Variants in CDH13 observed in about 807,000 individuals in gnomAD.
The protein encoded by CDH13 is cadherin-13.
A neutral mutation model predicts 63.8 loss-of-function variants in CDH13; 24 were observed. That is an observed-to-expected ratio of 0.38 (90% confidence interval 0.27 to 0.53). CDH13 has a LOEUF of 0.53. CDH13 is among the 20% of genes least tolerant of loss of function. The probability of loss-of-function intolerance (pLI) is 0.85; values close to 1 mark genes in which losing one functional copy is unlikely to be tolerated. For synonymous variants in CDH13, 503 were observed against 355.3 expected, an observed-to-expected ratio of 1.42 and a Z score of -4.67; for missense variants, 1,049 against 903.1, an observed-to-expected ratio of 1.16 and a Z score of -2.07.
chr16:83,686,897 A>G (rs1363497002), intron 10 of CDH13, among the ~76,000 whole-genome samples: 1 of 152,168 alleles, frequency 6.6e-6, no homozygotes, highest in Non-Finnish European at 1.5e-5. Flanking sequence ...CTGCATGCAC[A>G]CATTTTTCTG....
At chr16:83,488,630 T>C (rs1567707144) in intron 7 of CDH13, among the ~76,000 whole-genome samples, 1 of 152,048 alleles carries the variant, frequency 6.6e-6, no homozygotes, top group South Asian at 2.1e-4. Flanking sequence ...TTATTTTTTT[T>C]ATTTTATTTT....
At chr16:83,596,506 C>A (rs1343066184) in intron 7 of CDH13, among the ~76,000 whole-genome samples, 1 of 152,110 alleles carries the variant, frequency 6.6e-6, no homozygotes, top group Admixed American at 6.5e-5. Context: ...TCAAAATTTC[C>A]TCCTGGAGAA....
chr16:83,093,662 G>A (rs2034043638), intron 3 of CDH13, among the ~76,000 whole-genome samples: 1 of 152,066 alleles, frequency 6.6e-6, no homozygotes, highest in South Asian at 2.1e-4. Context: ...CAAACAATAT[G>A]GGAATCAGTT....
At chr16:83,131,202 G>GAAA (rs2036036512) in intron 4 of CDH13, among the ~76,000 whole-genome samples, 1 of 88,742 alleles carries the variant, frequency 1.1e-5, no homozygotes, top group Admixed American at 1.2e-4. Context: ...CCCCCCCCCC[G>GAAA]CCCACAGACA....
At chr16:83,786,493 A>G (rs1007586130) in intron 13 of CDH13, among the ~76,000 whole-genome samples, 3 of 152,170 alleles carry the variant, frequency 2.0e-5, no homozygotes, top group Admixed American at 6.5e-5. Context: ...AGACAGATGG[A>G]TAAATGAAAG....
chr16:82,963,696 C>G (rs964263845), intron 2 of CDH13, among the ~76,000 whole-genome samples: 3 of 152,168 alleles, frequency 2.0e-5, no homozygotes, highest in Non-Finnish European at 4.4e-5. Context: ...TCCTCAACAC[C>G]TGTTACAATT....
chr16:83,696,786 G>T (rs1441513531), intron 10 of CDH13, among the ~76,000 whole-genome samples: 5 of 152,194 alleles, frequency 3.3e-5, no homozygotes, highest in South Asian at 2.1e-4. Flanking sequence ...GACAATAATT[G>T]CCCTAACTTG....
intron 3 of CDH13, among the ~76,000 whole-genome samples, chr16:83,055,347 A>G (rs1482055711): frequency 6.6e-6 from 1 of 151,648 alleles, no homozygotes; most frequent in Non-Finnish European, 1.5e-5. Flanking sequence ...AAAGTTCTGT[A>G]ACTTGATATC....
At chr16:82,754,053 G>A (rs1036746346) in intron 1 of CDH13, among the ~76,000 whole-genome samples, 4 of 152,208 alleles carry the variant, frequency 2.6e-5, no homozygotes, top group Admixed American at 6.5e-5. Context: ...GGAATGAAAA[G>A]TACAAAGGTA....
At chr16:83,231,648 C>T (rs922810572) in intron 5 of CDH13, among the ~76,000 whole-genome samples, 1 of 152,178 alleles carries the variant, frequency 6.6e-6, no homozygotes, top group Non-Finnish European at 1.5e-5. Flanking sequence ...TGTCTGTGGC[C>T]TCTTCCACCC....
At chr16:83,254,828 C>G (rs1906010624) in intron 5 of CDH13, among the ~76,000 whole-genome samples, 1 of 152,112 alleles carries the variant, frequency 6.6e-6, no homozygotes, top group Non-Finnish European at 1.5e-5. Context: ...TGTACCAAGC[C>G]TAATAAGATC....
intron 6 of CDH13, among the ~76,000 whole-genome samples, chr16:83,464,396 C>A (rs2073257272): frequency 6.6e-6 from 1 of 152,152 alleles, no homozygotes; most frequent in Non-Finnish European, 1.5e-5. Context: ...CCTGTAATCC[C>A]AGCTACTAAG....
At chr16:83,496,047 G>A (rs918105080) in intron 7 of CDH13, among the ~76,000 whole-genome samples, 1 of 151,262 alleles carries the variant, frequency 6.6e-6, no homozygotes, top group African/African-American at 2.4e-5. Flanking sequence ...ATGCTCATGG[G>A]TAGGAAGAAT....
chr16:82,701,256 C>T (rs1467307897), intron 1 of CDH13, among the ~76,000 whole-genome samples: 1 of 152,148 alleles, frequency 6.6e-6, no homozygotes, highest in Non-Finnish European at 1.5e-5. Context: ...TTGGGCATGG[C>T]CCTAGTTCAA....
chr16:83,400,440 G>A (rs1194537402), intron 6 of CDH13, among the ~76,000 whole-genome samples: 1 of 152,192 alleles, frequency 6.6e-6, no homozygotes, highest in Non-Finnish European at 1.5e-5. Flanking sequence ...ATAGTGCGGA[G>A]CTCTGTGAGT....
At chr16:83,304,742 G>C (rs2089833845) in intron 5 of CDH13, among the ~76,000 whole-genome samples, 1 of 152,122 alleles carries the variant, frequency 6.6e-6, no homozygotes, top group African/African-American at 2.4e-5. Context: ...GTGTCCTGTG[G>C]GTTAATAGTC....
At chr16:83,183,797 T>A (rs559883091) in intron 4 of CDH13, among the ~76,000 whole-genome samples, 2 of 152,300 alleles carry the variant, frequency 1.3e-5, no homozygotes, top group African/African-American at 4.8e-5. Context: ...TCCAAGGCAG[T>A]GTTTGGCAAA....
intron 1 of CDH13, among the ~76,000 whole-genome samples, chr16:82,737,650 G>C (rs10514559): frequency 0.54 from 82,177 of 152,038 alleles, 22,594 homozygotes; most frequent in East Asian, 0.78. Context: ...TTTGATTTTT[G>C]ACTGATGACC....
chr16:82,704,768 A>C (rs751797525), intron 1 of CDH13, among the ~76,000 whole-genome samples: 2 of 152,188 alleles, frequency 1.3e-5, no homozygotes, highest in African/African-American at 4.8e-5. Context: ...TGAATACTTA[A>C]TTTCCCCAAG....
Sources: allele counts gnomAD v4.1 joint callset (sites outside exome capture counted in the v4.1 genomes callset), GRCh38; gene constraint gnomAD v4.1.1; transcripts MANE v1.5; gene names NCBI Gene and HGNC (gene_info 2026-07-23, HGNC 2026-07-21).